Variants in HSDL2 observed in about 807,000 individuals in gnomAD.
The protein encoded by HSDL2 is hydroxysteroid dehydrogenase-like protein 2.
In HSDL2, 27 loss-of-function variants were observed where a neutral mutation model predicts 46.3. That is an observed-to-expected ratio of 0.58 (90% CI 0.43 to 0.80). The LOEUF (loss-of-function observed/expected upper bound fraction) is 0.80, where lower values mean the gene tolerates loss of function less well. HSDL2 is among the 30% of genes least tolerant of loss of function. HSDL2 has a pLI of 0.00. For missense variants in HSDL2, 451 were observed against 502.7 expected, an observed-to-expected ratio of 0.90 and a Z score of 0.98; for synonymous variants, 153 against 163.6, an observed-to-expected ratio of 0.94 and a Z score of 0.50.
chr9:112,382,066 C>T (rs1266596655), intron 1 of HSDL2, among the ~76,000 whole-genome samples: 2 of 152,060 alleles, frequency 1.3e-5, no homozygotes, highest in Non-Finnish European at 2.9e-5. Context: ...GGTGAAACTC[C>T]GTCTCCACTA....
chr9:112,384,857 G>T (rs943806443), intron 1 of HSDL2, among the ~76,000 whole-genome samples: 1 of 151,414 alleles, frequency 6.6e-6, no homozygotes, highest in Non-Finnish European at 1.5e-5. Flanking sequence ...CTAACCTGTG[G>T]CCTTGCATAG....
chr9:112,416,724 T>C, intron 4 of HSDL2, 117 bp from the exon 5 acceptor site: 1 of 535,574 alleles, frequency 1.9e-6, no homozygotes. Flanking sequence ...TAGTGAACTG[T>C]GATCGAGTCA....
rs537804606 is a variant in HSDL2, at chr9:112,446,498, G to A, written c.865+4728G>A. Among the ~76,000 whole-genome samples the A allele has an allele frequency of 1.9e-4, 29 of 152,298 alleles. No homozygotes were observed. The East Asian group carries it at 5.0e-3, about 26-fold the overall frequency. ...TTTTTAACAATAGCCAGGCGTGGTG[G>A]TATGTACCTGTGGTCTCAGGTACTT... On this transcript the variant is annotated intron_variant, in intron 8 of 10. Transcript: ENST00000398805.
At chr9:112,387,799 T>G (rs755685607) in intron 1 of HSDL2, among the ~76,000 whole-genome samples, 4 of 152,142 alleles carry the variant, frequency 2.6e-5, no homozygotes, top group Non-Finnish European at 4.4e-5. Context: ...GAAAATACAG[T>G]ATCACATGTT....
chr9:112,400,422 C>T (rs1227166027), intron 1 of HSDL2, among the ~76,000 whole-genome samples: 2 of 152,202 alleles, frequency 1.3e-5, no homozygotes, highest in African/African-American at 4.8e-5. Context: ...TCCTGGCCAA[C>T]ATGGTGAAAC....
At chr9:112,443,403 C>T (rs1034133827) in intron 8 of HSDL2, among the ~76,000 whole-genome samples, 2 of 152,182 alleles carry the variant, frequency 1.3e-5, no homozygotes, top group Non-Finnish European at 2.9e-5. Context: ...AATTGCACAG[C>T]CAGCAGGTGG....
chr9:112,385,495 A>ATTT (rs60858988), intron 1 of HSDL2, among the ~76,000 whole-genome samples: 41 of 130,892 alleles, frequency 3.1e-4, no homozygotes, highest in South Asian at 7.5e-4. Flanking sequence ...CACCTGGCTA[A>ATTT]TTTTTTTTTT....
intron 1 of HSDL2, among the ~76,000 whole-genome samples, chr9:112,391,430 C>T (rs1831341752): frequency 6.6e-6 from 1 of 151,958 alleles, no homozygotes; most frequent in Non-Finnish European, 1.5e-5. Flanking sequence ...GTGATTCAGA[C>T]ACTGCACTTC....
chr9:112,452,155 ATTTTT>A (rs914252977), intron 8 of HSDL2, among the ~76,000 whole-genome samples: 7 of 152,090 alleles, frequency 4.6e-5, no homozygotes, highest in Admixed American at 2.0e-4. Context: ...AAGGAAAATG[ATTTTT>A]TTTATTTGTG....
intron 6 of HSDL2, among the ~76,000 whole-genome samples, chr9:112,424,283 T>C (rs1042766966): frequency 7.4e-5 from 11 of 148,288 alleles, no homozygotes; most frequent in Non-Finnish European, 1.6e-4. Flanking sequence ...ATCGTGCCAC[T>C]GCACTCCAGC....
intron 1 of HSDL2, among the ~76,000 whole-genome samples, chr9:112,381,317 C>T (rs1341997141): frequency 6.6e-6 from 1 of 152,202 alleles, no homozygotes; most frequent in East Asian, 1.9e-4. Context: ...GCATGCACCG[C>T]TGTGCCCAGG....
intron 6 of HSDL2, among the ~76,000 whole-genome samples, chr9:112,436,952 CTTT>C (rs1327914182): frequency 8.8e-6 from 1 of 113,718 alleles, no homozygotes; most frequent in East Asian, 2.3e-4. Context: ...TCTTTCTTTT[CTTT>C]TTTTCTTTTT....
chr9:112,423,178 A>G (rs1690571571), intron 6 of HSDL2, among the ~76,000 whole-genome samples: 4 of 152,222 alleles, frequency 2.6e-5, no homozygotes. Context: ...CATGGATTAT[A>G]TAGAATAACT....
chr9:112,465,031 A>C (rs1337535560), intron 10 of HSDL2, among the ~76,000 whole-genome samples: 1 of 152,204 alleles, frequency 6.6e-6, no homozygotes, highest in Non-Finnish European at 1.5e-5. Flanking sequence ...TCTTTCACTT[A>C]ACATAATGTT....
Position 112,380,111 on chromosome 9 carries a change from T to C in HSDL2, c.-53T>C, listed in dbSNP as rs1831044477. ...TGCGGAGGGACGGTCCAGCTTTAGC[T>C]CTCTGCTCGCCGCCGCCGCTGTCGC... On this transcript the variant is annotated 5_prime_UTR_variant, in exon 1 of 11. Transcript: ENST00000398805. 4.7e-6 allele frequency: 7 copies of C among 1,501,538 alleles called. No individual in the cohort carries two copies. The highest frequency in any genetic ancestry group is 1.8e-4 in the Middle Eastern group (1 of 5,608). 93.0% of individuals were successfully genotyped at this position (1,501,538 alleles called of 1,614,324 possible). A position where few individuals can be genotyped will look rare whatever the true frequency, so the allele number is the denominator to read the frequency against.
chr9:112,409,738 A>G (rs1369894979), intron 4 of HSDL2, among the ~76,000 whole-genome samples: 1 of 152,086 alleles, frequency 6.6e-6, no homozygotes, highest in Non-Finnish European at 1.5e-5. Context: ...TGGTGGTCTC[A>G]TCTACTCAGG....
intron 6 of HSDL2, among the ~76,000 whole-genome samples, chr9:112,430,714 TTGC>T (rs1554712646): frequency 1.3e-5 from 2 of 152,078 alleles, no homozygotes; most frequent in Non-Finnish European, 2.9e-5. Context: ...TGCTGATGGA[TTGC>T]CTTTGGGATG....
chr9:112,452,877 T>C (rs776338422), intron 8 of HSDL2, among the ~76,000 whole-genome samples: 31 of 152,218 alleles, frequency 2.0e-4, no homozygotes, highest in Non-Finnish European at 3.5e-4. Flanking sequence ...GTTAAGTGAA[T>C]GCAAGTTTTA....
In HSDL2 at chr9:112,404,245, T is replaced by A. The variant is rs557779984; in HGVS notation, c.181+87T>A. 4 of 1,283,438 alleles carry A rather than the reference T, an allele frequency of 3.1e-6. No homozygotes were observed. The East Asian group carries it at 9.8e-5, about 31-fold the overall frequency. The allele number at this position is 1,283,438 out of a possible 1,614,324, so 79.5% of individuals were successfully genotyped here. A position where few individuals can be genotyped will look rare whatever the true frequency, so the allele number is the denominator to read the frequency against. ...TGCTGGAGAGTTTAGTTAAAGCTAT[T>A]TGAAAGCTACCCTGAACATAATTTT... is the stretch of plus-strand genomic sequence containing the variant. On this transcript the variant is annotated intron_variant, in intron 2 of 10. Transcript: ENST00000398805.
Sources: gnomAD v4.1 joint callset for allele counts (sites outside exome capture counted in the v4.1 genomes callset) on GRCh38, gnomAD v4.1.1 for gene constraint, MANE v1.5 for transcripts, NCBI Gene and HGNC (gene_info 2026-07-23, HGNC 2026-07-21) for gene names.